The following GNA14 variants were observed in gnomAD, a reference collection of about 807,000 sequenced individuals.
GNA14 encodes the protein G protein subunit alpha 14.
A neutral mutation model predicts 42.0 loss-of-function variants in GNA14; 50 were observed. That is an observed-to-expected ratio of 1.19 (90% CI 0.95 to 1.51). The LOEUF is 1.51. GNA14 is among the 40% of genes most tolerant of loss of function. GNA14 has a pLI of 0.00. For synonymous variants in GNA14, 173 were observed against 163.1 expected, an observed-to-expected ratio of 1.06 and a Z score of -0.46; for missense variants, 473 against 446.2, an observed-to-expected ratio of 1.06 and a Z score of -0.54.
chr9:77,644,091 A>G (rs922890127), intron 1 of GNA14, among the ~76,000 whole-genome samples: 2 of 152,172 alleles, frequency 1.3e-5, no homozygotes, highest in Non-Finnish European at 2.9e-5. Flanking sequence ...ATGTAACTGT[A>G]TTTGAAGATA....
intron 2 of GNA14, among the ~76,000 whole-genome samples, chr9:77,435,644 G>A (rs2131693295): frequency 6.6e-6 from 1 of 152,190 alleles, no homozygotes; most frequent in Admixed American, 6.5e-5. Flanking sequence ...TACTATTACA[G>A]CGGTTACCAT....
intron 1 of GNA14, among the ~76,000 whole-genome samples, chr9:77,570,482 T>C (rs1040348139): frequency 6.6e-6 from 1 of 152,242 alleles, no homozygotes; most frequent in Admixed American, 6.5e-5. Flanking sequence ...TGTGGAATCA[T>C]GCAATATATG....
intron 1 of GNA14, among the ~76,000 whole-genome samples, chr9:77,572,886 T>A (rs997003681): frequency 6.6e-6 from 1 of 152,186 alleles, no homozygotes; most frequent in Non-Finnish European, 1.5e-5. Flanking sequence ...TGTGGCTTCA[T>A]GGAGATAATA....
At position 77,592,923 on chromosome 9, in the gene GNA14, T is replaced by G. The variant is rs560393484; in HGVS notation, c.124+54747A>C. On this transcript the variant is annotated intron_variant, in intron 1 of 6. Transcript: ENST00000341700. ...TTTTAACTGAACAAAAAAACAGGTA[T>G]GTAATCATGGGAAAGTCACAGCTCA... 2.1e-4 allele frequency among the ~76,000 whole-genome samples: 32 copies of G among 152,250 alleles called. 1 individual carries two copies. Among genetic ancestry groups the G allele is most frequent in the Non-Finnish European group, 4.4e-5 (3 of 68,016 alleles).
In GNA14 at chr9:77,523,409, C is replaced by A. The variant is rs533582644; in HGVS notation, c.309+5660G>T. 5.9e-5 allele frequency among the ~76,000 whole-genome samples: 9 copies of A among 152,174 alleles called. No individual in the cohort carries two copies. The East Asian group carries it at 7.7e-4, about 13-fold the overall frequency. ...GGAGGAGGTGCCACACGCTTTCAAA[C>A]AACCAGAATTCACGAGAACTCACTC... On this transcript the variant is annotated intron_variant, in intron 2 of 6. Coordinates refer to ENST00000341700, the MANE Select transcript of GNA14 (RefSeq NM_004297.4).
rs945314262 is a variant in GNA14, at chr9:77,498,414, T to C, written c.309+30655A>G. On this transcript the variant is annotated intron_variant, in intron 2 of 6. Coordinates refer to ENST00000341700, the MANE Select transcript of GNA14 (RefSeq NM_004297.4). The stretch of plus-strand genomic sequence containing the variant: ...GAAAAAAAAGAAAAAGAAAACAAGC[T>C]GCACCAGGGCAAGAATTTGGGTCTG... Among the ~76,000 whole-genome samples, 9 of 146,714 alleles carry C rather than the reference T, an allele frequency of 6.1e-5. No individual in the cohort carries two copies. In the East Asian group the frequency reaches 1.6e-3, roughly 26 times the overall value.
At chr9:77,618,072 AG>A (rs1206423989) in intron 1 of GNA14, among the ~76,000 whole-genome samples, 1 of 152,040 alleles carries the variant, frequency 6.6e-6, no homozygotes, top group African/African-American at 2.4e-5. Flanking sequence ...TTCTCTTCTA[AG>A]TACCTGAGGC....
At chr9:77,430,070 G>T (rs764671931) in intron 4 of GNA14, among the ~76,000 whole-genome samples, 2 of 152,172 alleles carry the variant, frequency 1.3e-5, no homozygotes, top group Non-Finnish European at 2.9e-5. Flanking sequence ...CCATGTCCTG[G>T]AGGTGCAGCC....
chr9:77,489,510 G>C (rs1020459080), intron 2 of GNA14, among the ~76,000 whole-genome samples: 2 of 152,212 alleles, frequency 1.3e-5, no homozygotes, highest in Admixed American at 6.5e-5. Context: ...AGTGTGTCCG[G>C]AATTGGTGGG....
chr9:77,587,716 T>C (rs2117878010), intron 1 of GNA14, among the ~76,000 whole-genome samples: 2 of 152,338 alleles, frequency 1.3e-5, no homozygotes, highest in Non-Finnish European at 2.9e-5. Context: ...ATAGAGTGTT[T>C]GCATAGTACT....
chr9:77,481,539 G>A (rs1836552152), intron 2 of GNA14, among the ~76,000 whole-genome samples: 2 of 152,204 alleles, frequency 1.3e-5, no homozygotes, highest in African/African-American at 4.8e-5. Flanking sequence ...ATTTGGGGTG[G>A]AGAGTTCTGT....
At chr9:77,439,884 C>T (rs1200866619) in intron 2 of GNA14, among the ~76,000 whole-genome samples, 1 of 151,972 alleles carries the variant, frequency 6.6e-6, no homozygotes, top group African/African-American at 2.4e-5. Flanking sequence ...GGAGATGTGA[C>T]TTGGGTGGGG....
intron 2 of GNA14, among the ~76,000 whole-genome samples, chr9:77,487,972 A>T (rs550278118): frequency 6.6e-6 from 1 of 152,266 alleles, no homozygotes; most frequent in African/African-American, 2.4e-5. Context: ...AACCCAGTTG[A>T]CATCACATTT....
chr9:77,442,734 G>T (rs1351717002), intron 2 of GNA14, among the ~76,000 whole-genome samples: 1 of 152,156 alleles, frequency 6.6e-6, no homozygotes, highest in African/African-American at 2.4e-5. Context: ...ACTCCCTTTT[G>T]GAGTTTGGGA....
intron 2 of GNA14, among the ~76,000 whole-genome samples, chr9:77,496,708 C>T (rs551646735): frequency 1.3e-5 from 2 of 152,142 alleles, no homozygotes; most frequent in Non-Finnish European, 2.9e-5. Context: ...GAGGAAGTGA[C>T]ATTTGAACTC....
intron 1 of GNA14, among the ~76,000 whole-genome samples, chr9:77,556,505 T>C (rs1822783665): frequency 6.6e-6 from 1 of 152,102 alleles, no homozygotes; most frequent in Non-Finnish European, 1.5e-5. Flanking sequence ...ATGCATTCAT[T>C]ATAAAGCTGA....
intron 1 of GNA14, among the ~76,000 whole-genome samples, chr9:77,537,433 T>A (rs966292274): frequency 6.6e-6 from 1 of 152,212 alleles, no homozygotes; most frequent in Non-Finnish European, 1.5e-5. Context: ...TATGGCTGAA[T>A]AGTATCCCAC....
intron 2 of GNA14, among the ~76,000 whole-genome samples, chr9:77,509,893 A>G (rs1466697075): frequency 1.3e-5 from 2 of 152,192 alleles, no homozygotes; most frequent in Admixed American, 6.5e-5. Context: ...ACTGGCATAA[A>G]ATGCCTCTTA....
At chr9:77,487,677 C>A (rs1836684250) in intron 2 of GNA14, among the ~76,000 whole-genome samples, 1 of 152,198 alleles carries the variant, frequency 6.6e-6, no homozygotes. Flanking sequence ...CATACACACA[C>A]CACATTCACA....
Sources: allele counts gnomAD v4.1 joint callset (sites outside exome capture counted in the v4.1 genomes callset), GRCh38; gene constraint gnomAD v4.1.1; transcripts MANE v1.5; gene names NCBI Gene and HGNC (gene_info 2026-07-23, HGNC 2026-07-21).